Variants in CTNNA2 observed in about 807,000 individuals in gnomAD.
CTNNA2 encodes the protein catenin alpha-2.
Under a neutral mutation model 101.0 loss-of-function variants are expected in CTNNA2, and 42 were observed. The ratio of observed to expected loss-of-function variants is 0.42; its 90% CI spans 0.32 to 0.54. The LOEUF (loss-of-function observed/expected upper bound fraction) is 0.54, where lower values mean the gene tolerates loss of function less well. Among genes scored for constraint, CTNNA2 ranks in the 20% least tolerant of loss-of-function variants. The probability of loss-of-function intolerance (pLI) is 0.14; values close to 1 mark genes in which losing one functional copy is unlikely to be tolerated. For synonymous variants in CTNNA2, 450 were observed against 456.4 expected, an observed-to-expected ratio of 0.99 and a Z score of 0.18; for missense variants, 871 against 1,223.1, an observed-to-expected ratio of 0.71 and a Z score of 4.29.
chr2:79,607,046 GA>G (rs1335386638), intron 1 of CTNNA2, among the ~76,000 whole-genome samples: 1 of 151,936 alleles, frequency 6.6e-6, no homozygotes, highest in Non-Finnish European at 1.5e-5. Flanking sequence ...CTTTGTATAA[GA>G]AACACAATTT....
intron 9 of CTNNA2, among the ~76,000 whole-genome samples, chr2:80,462,631 C>CTT (rs753815778): frequency 0.027 from 2,527 of 94,674 alleles, 124 homozygotes; most frequent in African/African-American, 0.083. Flanking sequence ...TTCTTTCTTT[C>CTT]TTTTTTTTTT....
rs138740479 is a variant in CTNNA2 at position 79,695,874 on chromosome 2, G to A, written c.102+44216G>A. On this transcript the variant is annotated intron_variant, in intron 2 of 18. Transcript: ENST00000402739. ...TACCAAGAGGAGGTCTGCTCAGTTG[G>A]TTTGGGGGCTTAGGATTTTATTTTG... Among the ~76,000 whole-genome samples the A allele has an allele frequency of 4.3e-3, 660 of 152,104 alleles. 5 individuals carry two copies. The highest frequency in any genetic ancestry group is 0.015 in the African/African-American group (629 of 41,540).
chr2:80,491,190 C>T (rs1393997095), intron 9 of CTNNA2, among the ~76,000 whole-genome samples: 1 of 152,178 alleles, frequency 6.6e-6, no homozygotes, highest in Admixed American at 6.5e-5. Flanking sequence ...GCGAGGCAAA[C>T]TGATTGTTTA....
chr2:80,437,857 G>A (rs924381886), intron 9 of CTNNA2, among the ~76,000 whole-genome samples: 3 of 152,174 alleles, frequency 2.0e-5, no homozygotes, highest in African/African-American at 7.2e-5. Context: ...AAATTAGCTG[G>A]GCATAGTGGT....
chr2:80,535,897 T>C (rs1330521231), intron 9 of CTNNA2, among the ~76,000 whole-genome samples: 1 of 152,172 alleles, frequency 6.6e-6, no homozygotes, highest in Non-Finnish European at 1.5e-5. Flanking sequence ...AGACAACTCC[T>C]ACAATATTCT....
chr2:80,032,256 C>T (rs1489491813), intron 7 of CTNNA2, among the ~76,000 whole-genome samples: 2 of 152,100 alleles, frequency 1.3e-5, no homozygotes, highest in Non-Finnish European at 2.9e-5. Flanking sequence ...GAAGTCTTTC[C>T]CTGATGTGCC....
intron 7 of CTNNA2, among the ~76,000 whole-genome samples, chr2:80,021,979 C>T (rs955990868): frequency 6.6e-6 from 1 of 152,122 alleles, no homozygotes; most frequent in Non-Finnish European, 1.5e-5. Context: ...AAATATTCCC[C>T]ACCTTTATTC....
Position 80,636,448 on chromosome 2 carries a change from T to C in CTNNA2, c.2575-11137T>C, listed in dbSNP as rs192596357. Among the ~76,000 whole-genome samples the C allele has an allele frequency of 7.2e-5, 11 of 152,234 alleles. No homozygotes were observed. In the East Asian group the frequency reaches 2.1e-3, roughly 29 times the overall value. On this transcript the variant is annotated intron_variant, in intron 18 of 18. Transcript: ENST00000402739. ...GATAAACACAGAGCTTTGGGAGATT[T>C]GGCCTTCAGTGTTTGGTAGGCACTT...
intron 3 of CTNNA2, among the ~76,000 whole-genome samples, chr2:79,368,287 C>G (rs556644403): frequency 1.2e-4 from 19 of 152,194 alleles, no homozygotes; most frequent in Non-Finnish European, 2.4e-4. Flanking sequence ...TCTGCACTGG[C>G]ATTTTTCTCC....
At chr2:79,823,560 A>C (rs966427872) in intron 3 of CTNNA2, among the ~76,000 whole-genome samples, 2 of 152,232 alleles carry the variant, frequency 1.3e-5, no homozygotes, top group Non-Finnish European at 1.5e-5. Flanking sequence ...CAACCAACCC[A>C]TCACATGGAC....
chr2:80,305,138 G>C, intron 7 of CTNNA2: 1 of 985,398 alleles, frequency 1.0e-6, no homozygotes, highest in Non-Finnish European at 1.2e-6. Context: ...CTTGAGAGAA[G>C]ACACAGGAAG....
chr2:79,475,679 C>T (rs1019665590), intron 4 of CTNNA2, among the ~76,000 whole-genome samples: 2 of 149,692 alleles, frequency 1.3e-5, no homozygotes, highest in Admixed American at 1.3e-4. Flanking sequence ...TCTTTGAATA[C>T]TTTTTTTTTT....
chr2:79,944,703 G>A (rs1210374006), intron 7 of CTNNA2, among the ~76,000 whole-genome samples: 3 of 152,164 alleles, frequency 2.0e-5, no homozygotes, highest in African/African-American at 7.2e-5. Context: ...CTAAGCACAT[G>A]AGGAGAATCC....
At chr2:79,957,893 A>G (rs1689353309) in intron 7 of CTNNA2, among the ~76,000 whole-genome samples, 1 of 152,230 alleles carries the variant, frequency 6.6e-6, no homozygotes, top group Non-Finnish European at 1.5e-5. Context: ...TTGTACATTA[A>G]TATGATGTCT....
At chr2:80,560,602 G>A (rs574185324) in intron 12 of CTNNA2, among the ~76,000 whole-genome samples, 9 of 152,108 alleles carry the variant, frequency 5.9e-5, no homozygotes, top group Non-Finnish European at 1.2e-4. Context: ...CCATCTGGAC[G>A]AGGGCCTTCA....
At chr2:80,029,548 T>G (rs1451116684) in intron 7 of CTNNA2, 1 of 152,144 alleles carries the variant, frequency 6.6e-6, no homozygotes, top group Non-Finnish European at 1.5e-5. Context: ...AGGGACCAGT[T>G]TAGGTGCACA....
At chr2:79,835,681 T>TTTTTTGTTTGTTTGTTTG (rs1558565739) in intron 3 of CTNNA2, among the ~76,000 whole-genome samples, 44 of 125,286 alleles carry the variant, frequency 3.5e-4, no homozygotes, top group African/African-American at 1.3e-3. Context: ...TTTTTTTTTT[T>TTTTTTGTTTGTTTGTTTG]TTTTTTTTTT....
chr2:80,244,021 C>T (rs886606825), intron 7 of CTNNA2, among the ~76,000 whole-genome samples: 9 of 152,170 alleles, frequency 5.9e-5, no homozygotes, highest in Non-Finnish European at 1.2e-4. Flanking sequence ...GGCCACACAT[C>T]AAAGAGTCAA....
intron 1 of CTNNA2, among the ~76,000 whole-genome samples, chr2:79,541,327 C>CTA (rs10541674): frequency 0.18 from 26,098 of 145,952 alleles, 2,453 homozygotes; most frequent in Middle Eastern, 0.35. Context: ...CACAGATATC[C>CTA]TATATATATA....
Sources: gnomAD v4.1 joint callset for allele counts (sites outside exome capture counted in the v4.1 genomes callset) on GRCh38, gnomAD v4.1.1 for gene constraint, MANE v1.5 for transcripts, NCBI Gene and HGNC (gene_info 2026-07-23, HGNC 2026-07-21) for gene names.